The following FANCI variants were observed in gnomAD, a reference collection of about 807,000 sequenced individuals.
The protein encoded by FANCI is Fanconi anemia group I protein.
A neutral mutation model predicts 176.1 loss-of-function variants in FANCI; 156 were observed. That is an observed-to-expected ratio of 0.89 (90% CI 0.78 to 1.01). FANCI has a LOEUF of 1.01. Ranked by LOEUF, FANCI falls within the 50% of genes least tolerant of loss-of-function variation. FANCI has a pLI of 0.00. For synonymous variants in FANCI, 613 were observed against 541.7 expected (o/e 1.13, Z -1.83); for missense variants, 1,678 against 1,534.1 (o/e 1.09, Z -1.57).
intron 9 of FANCI, among the ~76,000 whole-genome samples, chr15:89,266,784 C>T (rs1296386885): frequency 6.6e-6 from 1 of 151,936 alleles, no homozygotes; most frequent in African/African-American, 2.4e-5. Flanking sequence ...AGAAGGTGGT[C>T]TTAGATACTA....
At chr15:89,256,832 G>T (rs896902331) in intron 2 of FANCI, among the ~76,000 whole-genome samples, 1 of 152,156 alleles carries the variant, frequency 6.6e-6, no homozygotes, top group African/African-American at 2.4e-5. Context: ...TTTTCAGCAC[G>T]TAAACAGATG....
chr15:89,249,821 ATAAC>A, intron 2 of FANCI, among the ~76,000 whole-genome samples: 1 of 152,344 alleles, frequency 6.6e-6, no homozygotes, highest in Admixed American at 6.5e-5. Flanking sequence ...AGAGCTGAGG[ATAAC>A]TAAATAAAGC....
intron 14 of FANCI, among the ~76,000 whole-genome samples, chr15:89,280,115 G>A (rs1471054981): frequency 6.6e-6 from 1 of 152,096 alleles, no homozygotes; most frequent in African/African-American, 2.4e-5. Flanking sequence ...TCCGCCTCCC[G>A]GGTTCAAGCA....
chr15:89,314,714 A>G lies in FANCI; in HGVS notation c.3816+7A>G. ...CCTTTCTAAGAAGTCCAAGGTAAAC[A>G]TTCTCTTATTATGTGCTACCATTCC... On this transcript the variant is annotated splice_region_variant and intron_variant, in intron 36 of 37. Transcript: ENST00000310775. 1 of 1,589,830 alleles carries G rather than the reference A, an allele frequency of 6.3e-7. No individual in the cohort carries two copies. The highest frequency in any genetic ancestry group is 8.6e-7 in the Non-Finnish European group (1 of 1,157,978).
intron 20 of FANCI, among the ~76,000 whole-genome samples, chr15:89,292,454 G>A (rs2054104567): frequency 6.6e-6 from 1 of 152,152 alleles, no homozygotes; most frequent in Non-Finnish European, 1.5e-5. Context: ...CACATCTAAT[G>A]TTGCATTTTG....
At chr15:89,310,190 A>G (rs1403051753) in intron 34 of FANCI, among the ~76,000 whole-genome samples, 1 of 152,220 alleles carries the variant, frequency 6.6e-6, no homozygotes, top group Non-Finnish European at 1.5e-5. Context: ...TACAGTCTCT[A>G]TCACACCTAC....
chr15:89,270,338 A>G (rs530265664), intron 10 of FANCI, among the ~76,000 whole-genome samples: 2 of 152,292 alleles, frequency 1.3e-5, no homozygotes, highest in South Asian at 4.2e-4. Flanking sequence ...TTCTTCATTT[A>G]TAGGTACATA....
chr15:89,295,113 T>A lies in FANCI; in HGVS notation c.2636+19T>A. 1 of 1,548,166 alleles carries A rather than the reference T, an allele frequency of 6.5e-7. No homozygotes were observed. The highest frequency in any genetic ancestry group is 8.7e-7 in the Non-Finnish European group (1 of 1,146,120). On this transcript the variant is annotated intron_variant, in intron 24 of 37. Transcript: ENST00000310775. ...TAACTCGGTAAGCCACTCCCACCCC[T>A]TAGAAACTTATTCCACTTGGCTGTG...
intron 34 of FANCI, among the ~76,000 whole-genome samples, chr15:89,308,435 CTG>C (rs970120798): frequency 6.6e-6 from 1 of 152,232 alleles, no homozygotes; most frequent in African/African-American, 2.4e-5. Context: ...TATCACAGGG[CTG>C]TTACTGATCT....
Position 89,281,833 on chromosome 15 carries a change from C to G in FANCI, c.1581C>G (p.Ala527=), listed in dbSNP as rs2053625582. ...LILVLRKAMF[A]NQLDARKSAV... Reference sequence around the variant, plus strand: ...TTGTCCTTCGGAAAGCTATGTTTGCCAAGTATGTAGCATCTTTTTCTATCA... The same window carrying G: ...TTGTCCTTCGGAAAGCTATGTTTGCGAAGTATGTAGCATCTTTTTCTATCA... Residue 527 remains alanine, a splice_region_variant and synonymous_variant, in exon 16 of 38, where the codon GCC becomes GCG. Transcript: ENST00000310775. The G allele has an allele frequency of 1.2e-6, 2 of 1,613,448 alleles. No homozygotes were observed. The highest frequency in any genetic ancestry group is 2.2e-5 in the East Asian group (1 of 44,848).
chr15:89,254,844 G>T (rs2052425764), intron 2 of FANCI, among the ~76,000 whole-genome samples: 1 of 152,128 alleles, frequency 6.6e-6, no homozygotes, highest in Non-Finnish European at 1.5e-5. Flanking sequence ...GAATACATGG[G>T]TAGAAAGGAG....
rs114850924 is a variant in FANCI at position 89,267,649 on chromosome 15, G to A, written c.756-750G>A. Among the ~76,000 whole-genome samples, 1,091 of 152,014 alleles carry A rather than the reference G, an allele frequency of 7.2e-3. 6 individuals are homozygous for A. Among genetic ancestry groups the A allele is most frequent in the African/African-American group, 0.024 (1,016 of 41,482 alleles). ...AATCTTGTAAAAAGAAGCAGAGTCTGGGCACAGTGAATCGTGCCTGTGATC... is the reference window on the plus strand; with the variant it reads ...AATCTTGTAAAAAGAAGCAGAGTCTAGGCACAGTGAATCGTGCCTGTGATC... On this transcript the variant is annotated intron_variant, in intron 9 of 37. Transcript: ENST00000310775.
intron 15 of FANCI, 70 bp from the exon 16 acceptor site, chr15:89,281,695 G>A: frequency 7.3e-7 from 1 of 1,367,212 alleles, no homozygotes; most frequent in Non-Finnish European, 1.0e-6. Context: ...TATGGTAACA[G>A]TATTGGGTAG....
chr15:89,267,841 C>T (rs924794286), intron 9 of FANCI, among the ~76,000 whole-genome samples: 5 of 152,000 alleles, frequency 3.3e-5, no homozygotes, highest in Admixed American at 6.6e-5. Flanking sequence ...GTGGGAGGAT[C>T]GTTTGAGCCT....
intron 37 of FANCI, 22 bp from the exon 38 acceptor site, chr15:89,316,375 C>T: frequency 1.9e-6 from 3 of 1,605,946 alleles, no homozygotes; most frequent in Non-Finnish European, 1.7e-6. Context: ...CACGTTAGAG[C>T]ATTAATTCTT....
At chr15:89,258,928 C>G in intron 3 of FANCI, 152 bp downstream of exon 3, 1 of 659,718 alleles carries the variant, frequency 1.5e-6, no homozygotes, top group African/African-American at 1.8e-5. Flanking sequence ...AGTTTCCTGT[C>G]TAGTGGACTT....
chr15:89,297,873 T>G (rs1462718519), intron 24 of FANCI, among the ~76,000 whole-genome samples: 3 of 152,054 alleles, frequency 2.0e-5, no homozygotes, highest in Non-Finnish European at 4.4e-5. Context: ...CCTTGAGCTC[T>G]TGGGTTCCCA....
intron 20 of FANCI, 78 bp downstream of exon 20, chr15:89,291,792 C>G (rs2054080425): frequency 9.2e-7 from 1 of 1,091,258 alleles, no homozygotes; most frequent in Non-Finnish European, 1.4e-6. Context: ...GATACCTTTC[C>G]CTGTGAAACT....
At chr15:89,306,367 C>T (rs1207269570) in intron 32 of FANCI, among the ~76,000 whole-genome samples, 173 bp downstream of exon 32, 1 of 151,952 alleles carries the variant, frequency 6.6e-6, no homozygotes, top group African/African-American at 2.4e-5. Context: ...CAGGCATCTC[C>T]ACAGGCCAGG....
Sources: gnomAD v4.1 joint callset for allele counts (sites outside exome capture counted in the v4.1 genomes callset) on GRCh38, gnomAD v4.1.1 for gene constraint, MANE v1.5 for transcripts, NCBI Gene and HGNC (gene_info 2026-07-23, HGNC 2026-07-21) for gene names.